The following SOCS2 variants were observed in gnomAD, a reference collection of about 807,000 sequenced individuals.
The protein encoded by SOCS2 is suppressor of cytokine signaling 2.
SOCS2 carries 10 observed loss-of-function variants against 18.6 expected under a neutral mutation model. The observed-to-expected ratio is 0.54, with a 90% CI of 0.33 to 0.91. The LOEUF is 0.91. SOCS2 is among the 40% of genes least tolerant of loss of function. SOCS2 has a pLI of 0.02. For missense variants in SOCS2, 231 were observed against 247.2 expected (o/e 0.93, Z 0.44); for synonymous variants, 104 against 104.0 (o/e 1.00, Z 0.00).
the SOCS2 span, among the ~76,000 whole-genome samples, chr12:93,589,629 T>C: frequency 6.6e-6 from 1 of 152,216 alleles, no homozygotes. Flanking sequence ...GCCCATGTTG[T>C]AGACTGCAGA....
At position 93,583,308 on chromosome 12, in the gene SOCS2, T is replaced by C. The variant is rs561350969; in HGVS notation, c.*262T>C. ...CATAGGGTGTGTTTTTGCAAGTCAT[T>C]TTTCCCATTTACGTAGATTATTCTT... On this transcript the variant is annotated 3_prime_UTR_variant, in exon 2 of 2. Transcript: ENST00000549510. The C allele has an allele frequency of 2.0e-5, 3 of 152,294 alleles. No individual in the cohort carries two copies. In the East Asian group the frequency reaches 5.8e-4, roughly 29 times the overall value. 9.4% of individuals were successfully genotyped at this position (152,294 alleles called of 1,614,324 possible).
the SOCS2 span, among the ~76,000 whole-genome samples, chr12:93,614,480 T>TTCCTTCCTTCCTTTCTTTCTTTCTTTCC: frequency 7.7e-5 from 2 of 26,134 alleles, 1 homozygote; most frequent in African/African-American, 4.4e-4. Flanking sequence ...CCTTCCTTCC[T>TTCCTTCCTTCCTTTCTTTCTTTCTTTCC]TTCCTTCCTT....
the SOCS2 span, among the ~76,000 whole-genome samples, chr12:93,598,883 T>C: frequency 6.6e-6 from 1 of 152,188 alleles, no homozygotes; most frequent in East Asian, 1.9e-4. Flanking sequence ...CTTTTTGATA[T>C]GCTCATTGTC....
At chr12:93,616,704 A>ACGTGCTC in the SOCS2 span, among the ~76,000 whole-genome samples, 1 of 152,308 alleles carries the variant, frequency 6.6e-6, no homozygotes, top group East Asian at 1.9e-4. Context: ...GCATCCAGTG[A>ACGTGCTC]CGTGCTCCGG....
the SOCS2 span, among the ~76,000 whole-genome samples, chr12:93,615,368 AC>A: frequency 2.0e-5 from 3 of 152,164 alleles, no homozygotes. Context: ...CTCCACTGGC[AC>A]CAATCTCTCT....
At chr12:93,595,792 T>C in the SOCS2 span, among the ~76,000 whole-genome samples, 1 of 152,250 alleles carries the variant, frequency 6.6e-6, no homozygotes, top group South Asian at 2.1e-4. Context: ...TTATCCCTTA[T>C]TGTAGTCTAC....
the SOCS2 span, among the ~76,000 whole-genome samples, chr12:93,595,290 A>C: frequency 6.6e-6 from 1 of 152,164 alleles, no homozygotes; most frequent in Non-Finnish European, 1.5e-5. Flanking sequence ...TTAATTTTTA[A>C]AAAGGAGGTA....
chr12:93,597,656 A>G, the SOCS2 span, among the ~76,000 whole-genome samples: 175 of 152,314 alleles, frequency 1.1e-3, 3 homozygotes, highest in African/African-American at 4.2e-3. Flanking sequence ...GTATTATGAA[A>G]TAGCTCATCA....
At chr12:93,585,975 T>C (rs1359011477), downstream of SOCS2, among the ~76,000 whole-genome samples, 1 of 152,250 alleles carries the variant, frequency 6.6e-6, no homozygotes, top group African/African-American at 2.4e-5. Context: ...GTAAATACTA[T>C]GTAAATAGTT....
downstream of SOCS2, among the ~76,000 whole-genome samples, chr12:93,588,273 A>G (rs2136719214): frequency 6.6e-6 from 1 of 152,348 alleles, no homozygotes; most frequent in Non-Finnish European, 1.5e-5. Flanking sequence ...TTTTACACTT[A>G]TCACTAAACT....
the SOCS2 span, among the ~76,000 whole-genome samples, chr12:93,597,918 T>A: frequency 6.6e-6 from 1 of 152,212 alleles, no homozygotes; most frequent in Non-Finnish European, 1.5e-5. Context: ...CTATGTAGTT[T>A]AGCTTTGTAG....
At chr12:93,594,944 C>G in the SOCS2 span, among the ~76,000 whole-genome samples, 2 of 152,180 alleles carry the variant, frequency 1.3e-5, no homozygotes, top group African/African-American at 2.4e-5. Context: ...ACCAATTCCT[C>G]TTGTCAGCAA....
the SOCS2 span, among the ~76,000 whole-genome samples, chr12:93,622,562 G>C: frequency 0.22 from 33,209 of 152,084 alleles, 4,612 homozygotes; most frequent in Non-Finnish European, 0.29. Context: ...TCCTTATAAA[G>C]GAAACCTTTA....
At chr12:93,570,802 A>T (rs552110553), upstream of SOCS2, 1 of 152,518 alleles carries the variant, frequency 6.6e-6, no homozygotes, top group Admixed American at 6.5e-5. Flanking sequence ...CCCGCCCTGC[A>T]CCCGAGCGCT....
the SOCS2 span, among the ~76,000 whole-genome samples, chr12:93,598,269 A>G: frequency 2.2e-4 from 33 of 152,188 alleles, no homozygotes; most frequent in Non-Finnish European, 3.8e-4. Flanking sequence ...GGCAACAAGC[A>G]CAATGTGGCT....
chr12:93,606,832 T>G, the SOCS2 span, among the ~76,000 whole-genome samples: 1 of 152,152 alleles, frequency 6.6e-6, no homozygotes, highest in East Asian at 1.9e-4. Flanking sequence ...TTTGTATTTT[T>G]AGTAGAAATG....
At chr12:93,613,392 C>T in the SOCS2 span, among the ~76,000 whole-genome samples, 2 of 150,946 alleles carry the variant, frequency 1.3e-5, no homozygotes, top group East Asian at 1.9e-4. Context: ...TCTTTTTGCT[C>T]CTTCCGCCCC....
chr12:93,572,426 C>T, upstream of SOCS2: 1 of 345,734 alleles, frequency 2.9e-6, no homozygotes, highest in Non-Finnish European at 5.6e-6. The surrounding 1 kb of genome is among the most constrained non-coding windows in gnomAD (Gnocchi z 5.0). Flanking sequence ...AGCTAGTGAC[C>T]CTGGGCGGGA....
Position 93,574,968 on chromosome 12 carries a change from A to G in SOCS2, c.386A>G (p.Tyr129Cys). The G allele has an allele frequency of 6.2e-7, 1 of 1,614,126 alleles. No individual in the cohort carries two copies. The highest frequency in any genetic ancestry group is 1.6e-4 in the Middle Eastern group (1 of 6,062). ...FDSVVHLIDY[Y>C]VQMCKDKRTG... ...AGTGTGGTTCATCTGATCGACTACTATGTTCAGATGTGCAAGGATAAGCGG... is the reference window on the plus strand; with the variant it reads ...AGTGTGGTTCATCTGATCGACTACTGTGTTCAGATGTGCAAGGATAAGCGG... Residue 129 changes from tyrosine (Y) to cysteine (C), a missense_variant, in exon 2 of 2, where the codon TAT becomes TGT. Around this residue, in one of 3 missense-constraint regions of SOCS2, gnomAD observed 122 missense variants for 127.2 expected, o/e 0.96. Transcript: ENST00000551556.
Sources: allele counts gnomAD v4.1 joint callset (sites outside exome capture counted in the v4.1 genomes callset), GRCh38; gene constraint gnomAD v4.1.1; regional missense constraint gnomAD v4.1.1; non-coding constraint Gnocchi (gnomAD v3.1); transcripts MANE v1.5; gene names NCBI Gene and HGNC (gene_info 2026-07-23, HGNC 2026-07-21).